TRAPPC9: variants seen among roughly 807,000 people sequenced by gnomAD.
The protein encoded by TRAPPC9 is trafficking protein particle complex subunit 9.
TRAPPC9 carries 83 observed loss-of-function variants against 124.0 expected under a neutral mutation model. That is an observed-to-expected ratio of 0.67 (90% CI 0.56 to 0.80). The LOEUF is 0.80. Ranked by LOEUF, TRAPPC9 falls within the 30% of genes least tolerant of loss-of-function variation. TRAPPC9 has a pLI of 0.00. For synonymous variants in TRAPPC9, 638 were observed against 617.5 expected (o/e 1.03, Z -0.49); for missense variants, 1,302 against 1,508.3 (o/e 0.86, Z 2.27).
rs562844441 is a variant in TRAPPC9, at chr8:139,880,749, A to T, written c.3055+5130T>A. 3.6e-3 allele frequency among the ~76,000 whole-genome samples: 551 copies of T among 152,366 alleles called. 2 individuals carry two copies. Among genetic ancestry groups the T allele is most frequent in the Admixed American group, 5.2e-3 (80 of 15,310 alleles). On this transcript the variant is annotated intron_variant, in intron 21 of 22. Transcript: ENST00000438773. ...AAATCGAATCAAAATGTATGTATTA[A>T]CATGTTCACTGGAAACAGCAAGATA...
At chr8:140,004,772 G>A (rs1487958744) in intron 18 of TRAPPC9, among the ~76,000 whole-genome samples, 1 of 152,178 alleles carries the variant, frequency 6.6e-6, no homozygotes, top group South Asian at 2.1e-4. Context: ...GAAATCAAGT[G>A]AGACTCTCTT....
At chr8:139,912,434 A>G (rs1377106531) in intron 19 of TRAPPC9, among the ~76,000 whole-genome samples, 2 of 151,890 alleles carry the variant, frequency 1.3e-5, no homozygotes, top group East Asian at 1.9e-4. Context: ...AAAAAAAATG[A>G]CTATTGTAGA....
chr8:139,902,814 T>C (rs953707411), intron 20 of TRAPPC9, among the ~76,000 whole-genome samples: 3 of 152,102 alleles, frequency 2.0e-5, no homozygotes, highest in South Asian at 2.1e-4. Flanking sequence ...AAAGGGAGGA[T>C]AGCTCAGCGG....
chr8:139,791,059 C>T lies in TRAPPC9; in HGVS notation c.3056-58857G>A, dbSNP rs534766977. ...GCCTGCAGAACCACGAGCCAATTCA[C>T]CCTCCTTTCTTTATAAGCCACCCAG... On this transcript the variant is annotated intron_variant, in intron 21 of 22. Coordinates refer to ENST00000438773, the MANE Select transcript of TRAPPC9 (RefSeq NM_001160372.4). Among the ~76,000 whole-genome samples, 64 of 152,252 alleles carry T rather than the reference C, an allele frequency of 4.2e-4. 1 individual carries two copies. Among genetic ancestry groups the T allele is most frequent in the Non-Finnish European group, 8.8e-4 (60 of 68,006 alleles).
chr8:140,118,491 T>G (rs534689779), intron 17 of TRAPPC9, among the ~76,000 whole-genome samples: 48 of 152,250 alleles, frequency 3.2e-4, no homozygotes, highest in Non-Finnish European at 6.2e-4. Flanking sequence ...AATGGTCTCC[T>G]TCTTTGGGAA....
At chr8:140,396,963 C>T (rs576447213) in intron 7 of TRAPPC9, among the ~76,000 whole-genome samples, 16 of 130,270 alleles carry the variant, frequency 1.2e-4, no homozygotes, top group African/African-American at 4.3e-4. Context: ...CTTAGCACAA[C>T]GCCCTCCTAA....
intron 17 of TRAPPC9, among the ~76,000 whole-genome samples, chr8:140,167,881 G>A (rs568636292): frequency 2.6e-5 from 4 of 152,280 alleles, no homozygotes; most frequent in South Asian, 4.1e-4. Context: ...CTCACAGGAG[G>A]GTTCTGCTCT....
chr8:140,395,129 G>C (rs899608410), intron 7 of TRAPPC9, among the ~76,000 whole-genome samples: 1 of 152,230 alleles, frequency 6.6e-6, no homozygotes, highest in African/African-American at 2.4e-5. Flanking sequence ...TAAACTGCAA[G>C]ATACGGACCT....
chr8:139,819,315 AG>A lies in TRAPPC9; in HGVS notation c.3055+66563del, dbSNP rs1212972746. On this transcript the variant is annotated intron_variant, in intron 21 of 22. Transcript: ENST00000438773. The stretch of plus-strand genomic sequence containing the variant: ...CTCCCACTGATACTACATTATGGTG[AG>A]TTATATAATTATTTCATTATATATT... 3.9e-5 allele frequency among the ~76,000 whole-genome samples: 6 copies of A among 152,194 alleles called. No homozygotes were observed. The East Asian group carries it at 7.7e-4, about 19-fold the overall frequency.
intron 21 of TRAPPC9, among the ~76,000 whole-genome samples, chr8:139,771,735 C>T (rs1036970304): frequency 3.3e-5 from 5 of 152,196 alleles, no homozygotes; most frequent in Non-Finnish European, 5.9e-5. Flanking sequence ...GTGATTGAAG[C>T]CTGTGTGTGC....
chr8:140,092,076 C>CAA (rs531147407), intron 17 of TRAPPC9, among the ~76,000 whole-genome samples: 1,597 of 78,068 alleles, frequency 0.02, 24 homozygotes, highest in African/African-American at 0.037. Context: ...CCAAGCACTC[C>CAA]AAAAAAAAAA....
At chr8:140,289,421 T>C (rs1026449979) in intron 12 of TRAPPC9, among the ~76,000 whole-genome samples, 1 of 152,234 alleles carries the variant, frequency 6.6e-6, no homozygotes, top group African/African-American at 2.4e-5. Flanking sequence ...TATTGGCATT[T>C]ATTTCTTTTG....
intron 20 of TRAPPC9, among the ~76,000 whole-genome samples, chr8:139,886,557 T>G (rs1479243731): frequency 6.6e-6 from 1 of 152,224 alleles, no homozygotes; most frequent in Non-Finnish European, 1.5e-5. Context: ...ACAGCCAATG[T>G]GATTCTCAGA....
At chr8:140,161,284 G>C (rs74703101) in intron 17 of TRAPPC9, among the ~76,000 whole-genome samples, 4,579 of 152,238 alleles carry the variant, frequency 0.03, 216 homozygotes, top group African/African-American at 0.1. Flanking sequence ...GCAGCTCAAA[G>C]AGATGAAGTC....
At chr8:140,167,037 G>C (rs1009470101) in intron 17 of TRAPPC9, among the ~76,000 whole-genome samples, 3 of 152,136 alleles carry the variant, frequency 2.0e-5, no homozygotes, top group Non-Finnish European at 4.4e-5. Flanking sequence ...ACCAAAAAAG[G>C]TAGCTGAATC....
At chr8:140,447,506 G>A (rs1391874993) in intron 2 of TRAPPC9, among the ~76,000 whole-genome samples, 1 of 151,996 alleles carries the variant, frequency 6.6e-6, no homozygotes, top group Non-Finnish European at 1.5e-5. Flanking sequence ...AAAGAAAGAG[G>A]AACAAGCAAA....
chr8:140,340,758 C>CA (rs2067170809), intron 9 of TRAPPC9, among the ~76,000 whole-genome samples: 1 of 152,222 alleles, frequency 6.6e-6, no homozygotes, highest in South Asian at 2.1e-4. Flanking sequence ...CCTACACATG[C>CA]AGTAGCCCAG....
In TRAPPC9 at chr8:139,919,161, C is replaced by T. The variant is rs370390205; in HGVS notation, c.2811-8861G>A. On this transcript the variant is annotated intron_variant, in intron 19 of 22. Coordinates refer to ENST00000438773, the MANE Select transcript of TRAPPC9 (RefSeq NM_001160372.4). ...CTGCATTCGGGAAGGGGTGCTGTGC[C>T]GAGGAAGGGCATGGGCTTGCAGCAA... 1.1e-4 allele frequency among the ~76,000 whole-genome samples: 16 copies of T among 152,320 alleles called. No individual in the cohort carries two copies. In the East Asian group the frequency reaches 1.9e-3, roughly 18 times the overall value.
At chr8:139,835,315 T>C (rs1274101683) in intron 21 of TRAPPC9, among the ~76,000 whole-genome samples, 1 of 152,224 alleles carries the variant, frequency 6.6e-6, no homozygotes, top group African/African-American at 2.4e-5. Flanking sequence ...ACACATTGCC[T>C]TTGATTAATA....
Sources: allele counts gnomAD v4.1 joint callset (sites outside exome capture counted in the v4.1 genomes callset), GRCh38; gene constraint gnomAD v4.1.1; transcripts MANE v1.5; gene names NCBI Gene and HGNC (gene_info 2026-07-23, HGNC 2026-07-21).